Variants in FZD3 observed in about 807,000 individuals in gnomAD.
FZD3 encodes the protein frizzled-3.
FZD3 carries 30 observed loss-of-function variants against 60.7 expected under a neutral mutation model. The observed-to-expected ratio is 0.49, with a 90% CI of 0.37 to 0.67. FZD3 has a LOEUF of 0.67. FZD3 is among the 30% of genes least tolerant of loss of function. FZD3 has a pLI of 0.00. For synonymous variants in FZD3, 246 were observed against 275.2 expected (o/e 0.89, Z 1.05); for missense variants, 605 against 838.7 (o/e 0.72, Z 3.44).
chr8:28,559,476 A>G (rs1325449157), intron 7 of FZD3, among the ~76,000 whole-genome samples: 1 of 152,202 alleles, frequency 6.6e-6, no homozygotes, highest in South Asian at 2.1e-4. Flanking sequence ...TATCTAGCAC[A>G]GTACTAGGCA....
At chr8:28,508,459 A>G (rs948263535) in intron 3 of FZD3, among the ~76,000 whole-genome samples, 4 of 145,178 alleles carry the variant, frequency 2.8e-5, no homozygotes, top group Non-Finnish European at 6.0e-5. Flanking sequence ...GGGAAAGTCC[A>G]TCATGAGTTT....
chr8:28,556,574 A>G (rs185068454), intron 7 of FZD3, among the ~76,000 whole-genome samples: 1 of 152,360 alleles, frequency 6.6e-6, no homozygotes, highest in East Asian at 1.9e-4. Context: ...CATAAGTATG[A>G]CAGTATAGTT....
At chr8:28,558,805 A>G (rs1805562003) in intron 7 of FZD3, among the ~76,000 whole-genome samples, 1 of 152,210 alleles carries the variant, frequency 6.6e-6, no homozygotes, top group African/African-American at 2.4e-5. Context: ...TACTGTGTAT[A>G]AAGATGTATA....
At chr8:28,533,946 C>A (rs532512799) in intron 5 of FZD3, among the ~76,000 whole-genome samples, 30 of 117,128 alleles carry the variant, frequency 2.6e-4, no homozygotes, top group Non-Finnish European at 5.0e-4. Flanking sequence ...TAAACCTGGC[C>A]TGTTCAAAAA....
chr8:28,543,264 A>G (rs183740756), intron 5 of FZD3, among the ~76,000 whole-genome samples: 4 of 152,252 alleles, frequency 2.6e-5, no homozygotes, highest in Non-Finnish European at 5.9e-5. Context: ...CTCTTTACAA[A>G]TAATTATTTT....
Position 28,510,918 on chromosome 8 carries a change from TC to T in FZD3, c.189+7719del, listed in dbSNP as rs1370108795. ...CGGGCGTGGTGGTGGGCACATGTAATCCCAGCTACTCGGGAGGCTAAGACAG... is the reference window on the plus strand; with the variant it reads ...CGGGCGTGGTGGTGGGCACATGTAATCCAGCTACTCGGGAGGCTAAGACAG... On this transcript the variant is annotated intron_variant, in intron 3 of 7. Coordinates refer to ENST00000240093, the MANE Select transcript of FZD3 (RefSeq NM_017412.4). Among the ~76,000 whole-genome samples the T allele has an allele frequency of 3.3e-5, 5 of 151,150 alleles. No individual in the cohort carries two copies. In the Middle Eastern group the frequency reaches 0.01, roughly 315 times the overall value.
At chr8:28,515,129 G>A (rs1804390137) in intron 3 of FZD3, among the ~76,000 whole-genome samples, 2 of 152,148 alleles carry the variant, frequency 1.3e-5, no homozygotes, top group Non-Finnish European at 2.9e-5. Context: ...TACCTTATAG[G>A]ATTGTTGTGA....
intron 3 of FZD3, among the ~76,000 whole-genome samples, chr8:28,516,722 C>T (rs1585959376): frequency 6.6e-6 from 1 of 152,060 alleles, no homozygotes; most frequent in Non-Finnish European, 1.5e-5. Context: ...TTTATATCTA[C>T]AGTCTTACTA....
chr8:28,504,179 A>G, intron 3 of FZD3, among the ~76,000 whole-genome samples: 1 of 152,194 alleles, frequency 6.6e-6, no homozygotes, highest in Middle Eastern at 3.2e-3. Flanking sequence ...AATTTGTAAG[A>G]TTATTATTCA....
Position 28,556,032 on chromosome 8 carries a change from A to G in FZD3, c.1787+61A>G, listed in dbSNP as rs1303549261. On this transcript the variant is annotated intron_variant, in intron 7 of 7. Coordinates refer to ENST00000240093, the MANE Select transcript of FZD3 (RefSeq NM_017412.4). ...CTGAATTATGACCATACAGCTTAAG[A>G]AAGAGGAGCAGCCAATTCTGAAATA... 3.7e-6 allele frequency: 4 copies of G among 1,081,216 alleles called. No homozygotes were observed. In the East Asian group the frequency reaches 1.0e-4, roughly 27 times the overall value. The allele number at this position is 1,081,216 out of a possible 1,614,324, so 67.0% of individuals were successfully genotyped here. A position where few individuals can be genotyped will look rare whatever the true frequency, so the allele number is the denominator to read the frequency against.
chr8:28,521,674 A>G (rs1804584252), intron 4 of FZD3, among the ~76,000 whole-genome samples: 1 of 152,156 alleles, frequency 6.6e-6, no homozygotes, highest in African/African-American at 2.4e-5. Flanking sequence ...GTTTGCTTAT[A>G]TACTCTTACT....
chr8:28,562,784 A>C lies in FZD3; in HGVS notation c.1788-14A>C. On this transcript the variant is annotated splice_polypyrimidine_tract_variant and intron_variant, in intron 7 of 7. Transcript: ENST00000240093. ...GTGTTCTGTTACCCACTTCAAAATA[A>C]ACTCTCATGACAGGTACACGCCCTG... 1 of 1,516,608 alleles carries C rather than the reference A, an allele frequency of 6.6e-7. No individual in the cohort carries two copies. Among genetic ancestry groups the C allele is most frequent in the Non-Finnish European group, 9.1e-7 (1 of 1,099,860 alleles). 93.9% of individuals were successfully genotyped at this position (1,516,608 alleles called of 1,614,324 possible).
chr8:28,558,787 A>G (rs1052241759), intron 7 of FZD3, among the ~76,000 whole-genome samples: 18 of 152,206 alleles, frequency 1.2e-4, no homozygotes, highest in African/African-American at 4.1e-4. Flanking sequence ...ATACCTATGC[A>G]CGTGGCATAC....
At chr8:28,497,320 T>C (rs1408761747) in intron 1 of FZD3, among the ~76,000 whole-genome samples, 1 of 152,222 alleles carries the variant, frequency 6.6e-6, no homozygotes, top group East Asian at 1.9e-4. Context: ...GAATTAAATA[T>C]GAAGCTATAT....
At chr8:28,539,923 T>G (rs555594526) in intron 5 of FZD3, among the ~76,000 whole-genome samples, 37 of 152,274 alleles carry the variant, frequency 2.4e-4, no homozygotes, top group African/African-American at 7.7e-4. Context: ...GTTTTTTTTC[T>G]ATTTAATTAA....
In FZD3 at chr8:28,555,846, A is replaced by G; in HGVS notation, c.1662A>G (p.Gln554=). 1.2e-6 allele frequency: 2 copies of G among 1,613,314 alleles called. No homozygotes were observed. The highest frequency in any genetic ancestry group is 1.7e-6 in the Non-Finnish European group (2 of 1,179,208). ...GAAAGTCAAGGGGAACTTCCACTCA[A>G]GGAACATCCACCCATGCTTCTTCAA... is the stretch of plus-strand genomic sequence containing the variant. ...IIRKSRGTST[Q]GTSTHASSTQ... is the part of the protein sequence containing the mutation. Residue 554 remains glutamine, a synonymous_variant, in exon 7 of 8, where the codon CAA becomes CAG. Transcript: ENST00000240093.
chr8:28,504,044 A>G (rs1017927349), intron 3 of FZD3, among the ~76,000 whole-genome samples: 1 of 152,198 alleles, frequency 6.6e-6, no homozygotes, highest in African/African-American at 2.4e-5. Flanking sequence ...TGTTTGATAC[A>G]TTACTCTTCA....
chr8:28,527,627 T>C lies in FZD3; in HGVS notation c.867T>C (p.Leu289=). The change falls in exon 5 of 8, where the codon CTT becomes CTC. Residue 289 remains leucine, a synonymous_variant. Coordinates refer to ENST00000240093, the MANE Select transcript of FZD3 (RefSeq NM_017412.4). The surrounding 1 kb of genome is among the most constrained non-coding windows in gnomAD (Gnocchi z 5.0). ...QGSHNKACTM[L]FMILYFFTMA... ...CTCATAATAAAGCCTGTACCATGCT[T>C]TTTATGATACTCTATTTTTTTACTA... is the stretch of plus-strand genomic sequence containing the variant. The C allele has an allele frequency of 6.2e-7, 1 of 1,614,090 alleles. No homozygotes were observed. The highest frequency in any genetic ancestry group is 8.5e-7 in the Non-Finnish European group (1 of 1,179,964).
chr8:28,502,156 T>C (rs1804012195), intron 2 of FZD3, among the ~76,000 whole-genome samples: 1 of 152,200 alleles, frequency 6.6e-6, no homozygotes, highest in South Asian at 2.1e-4. Flanking sequence ...GTGGTATGTT[T>C]ATATTCACAC....
Sources: gnomAD v4.1 joint callset for allele counts (sites outside exome capture counted in the v4.1 genomes callset) on GRCh38, gnomAD v4.1.1 for gene constraint, Gnocchi (gnomAD v3.1) non-coding constraint, MANE v1.5 for transcripts, NCBI Gene and HGNC (gene_info 2026-07-23, HGNC 2026-07-21) for gene names.